NCAM2: variants seen among roughly 807,000 people sequenced by gnomAD.
The protein encoded by NCAM2 is neural cell adhesion molecule 2.
A neutral mutation model predicts 98.1 loss-of-function variants in NCAM2; 30 were observed. That is an observed-to-expected ratio of 0.31 (90% CI 0.23 to 0.41). NCAM2 has a LOEUF of 0.41. Among genes scored for constraint, NCAM2 ranks in the 10% least tolerant of loss-of-function variants. The pLI is 1.00. For synonymous variants in NCAM2, 368 were observed against 342.4 expected (o/e 1.07, Z -0.83); for missense variants, 867 against 1,005.8 (o/e 0.86, Z 1.87).
At chr21:21,266,947 A>C (rs968348514) in intron 1 of NCAM2, among the ~76,000 whole-genome samples, 1 of 152,134 alleles carries the variant, frequency 6.6e-6, no homozygotes, top group African/African-American at 2.4e-5. Context: ...TTGCACAGGT[A>C]AACTTGTGTC....
At chr21:21,521,954 A>G (rs1602551856) in intron 16 of NCAM2, among the ~76,000 whole-genome samples, 3 of 151,030 alleles carry the variant, frequency 2.0e-5, no homozygotes, top group Admixed American at 2.0e-4. Flanking sequence ...TAAAAAGAAA[A>G]TGCCCACATA....
At chr21:21,216,829 G>A (rs1387862704) in intron 1 of NCAM2, among the ~76,000 whole-genome samples, 4 of 152,074 alleles carry the variant, frequency 2.6e-5, no homozygotes, top group East Asian at 3.9e-4. Flanking sequence ...GGTACAGGTG[G>A]GAAAACCCTG....
intron 6 of NCAM2, among the ~76,000 whole-genome samples, chr21:21,325,961 T>C (rs1455066410): frequency 1.3e-5 from 2 of 152,190 alleles, no homozygotes; most frequent in Non-Finnish European, 2.9e-5. Flanking sequence ...GAATAGTAGC[T>C]GGTAGGAAAG....
At chr21:21,120,965 C>G (rs570712745) in intron 1 of NCAM2, among the ~76,000 whole-genome samples, 1 of 152,114 alleles carries the variant, frequency 6.6e-6, no homozygotes, top group Non-Finnish European at 1.5e-5. Flanking sequence ...ATCCACCCGC[C>G]TCAGCCTCCC....
chr21:21,175,587 C>T (rs915336157), intron 1 of NCAM2, among the ~76,000 whole-genome samples: 5 of 151,858 alleles, frequency 3.3e-5, no homozygotes, highest in African/African-American at 1.2e-4. Flanking sequence ...TTAAAGATAG[C>T]AAGAAGTGGA....
chr21:21,285,822 T>A (rs527397310), intron 3 of NCAM2, among the ~76,000 whole-genome samples: 1 of 152,034 alleles, frequency 6.6e-6, no homozygotes, highest in South Asian at 2.1e-4. Context: ...GAAAATAAAT[T>A]ACCTGGGGTA....
At chr21:21,341,708 C>CTTT (rs5842918) in intron 8 of NCAM2, among the ~76,000 whole-genome samples, 4 of 142,730 alleles carry the variant, frequency 2.8e-5, no homozygotes, top group South Asian at 4.5e-4. Flanking sequence ...TAACAATATT[C>CTTT]TTTTTTTTTT....
At chr21:21,444,123 G>A (rs1348025030) in intron 12 of NCAM2, among the ~76,000 whole-genome samples, 1 of 152,130 alleles carries the variant, frequency 6.6e-6, no homozygotes, top group Non-Finnish European at 1.5e-5. Context: ...CTGCTTATGT[G>A]ATGGATTACG....
intron 5 of NCAM2, among the ~76,000 whole-genome samples, chr21:21,313,571 A>C (rs116145864): frequency 0.017 from 2,610 of 151,606 alleles, 72 homozygotes; most frequent in African/African-American, 0.06. Context: ...TTTTTATTTT[A>C]TTCTAGTTTT....
intron 1 of NCAM2, among the ~76,000 whole-genome samples, chr21:21,214,341 T>A (rs1009650095): frequency 6.6e-6 from 1 of 152,194 alleles, no homozygotes; most frequent in Non-Finnish European, 1.5e-5. Context: ...AGCTCCATTA[T>A]TCTTTCCATG....
At chr21:21,104,185 CAT>C (rs772635463) in intron 1 of NCAM2, among the ~76,000 whole-genome samples, 14 of 152,090 alleles carry the variant, frequency 9.2e-5, no homozygotes, top group Non-Finnish European at 1.5e-4. Flanking sequence ...GAATTTATGA[CAT>C]GTTATCTTTT....
Position 21,043,511 on chromosome 21 carries a change from T to C in NCAM2, c.55+44893T>C, listed in dbSNP as rs77207082. On this transcript the variant is annotated intron_variant, in intron 1 of 17. Transcript: ENST00000400546. ...GGAATTCAGAAGGTAGCTTTTGTTT[T>C]AAAGACAAAAATTATTTTTGAAGAA... Among the ~76,000 whole-genome samples the C allele has an allele frequency of 9.5e-3, 1,451 of 152,244 alleles. 19 individuals carry two copies. Among genetic ancestry groups the C allele is most frequent in the African/African-American group, 0.034 (1,394 of 41,550 alleles).
chr21:21,263,378 AGAAAAACATCCCATGCTAATGGATAG>A (rs1218339861), intron 1 of NCAM2, among the ~76,000 whole-genome samples: 1 of 152,166 alleles, frequency 6.6e-6, no homozygotes, highest in Non-Finnish European at 1.5e-5. Context: ...ACAAAGAAAT[AGAAAAACATCCCATGCTAATGGATAG>A]GAAAAATCAA....
At chr21:21,355,087 C>T (rs1391411587) in intron 8 of NCAM2, among the ~76,000 whole-genome samples, 6 of 151,940 alleles carry the variant, frequency 3.9e-5, no homozygotes, top group Admixed American at 3.9e-4. Flanking sequence ...ACTGTGAGTC[C>T]AGTTTTACCT....
intron 1 of NCAM2, among the ~76,000 whole-genome samples, chr21:21,265,317 A>G (rs1203888891): frequency 2.1e-4 from 27 of 131,682 alleles, no homozygotes; most frequent in African/African-American, 5.5e-4. Context: ...ATACACGTAT[A>G]TATACACATA....
At chr21:21,358,415 A>G (rs1263740451) in intron 8 of NCAM2, among the ~76,000 whole-genome samples, 1 of 151,964 alleles carries the variant, frequency 6.6e-6, no homozygotes, top group Admixed American at 6.6e-5. Flanking sequence ...GTTCTTGTGT[A>G]TATGCCCTAT....
At chr21:21,173,513 G>A (rs1288772957) in intron 1 of NCAM2, among the ~76,000 whole-genome samples, 1 of 152,194 alleles carries the variant, frequency 6.6e-6, no homozygotes, top group Non-Finnish European at 1.5e-5. Context: ...AACCTTGAAA[G>A]ACAGAGTAGT....
At chr21:21,423,653 T>G (rs2077157530) in intron 11 of NCAM2, among the ~76,000 whole-genome samples, 1 of 152,200 alleles carries the variant, frequency 6.6e-6, no homozygotes, top group Non-Finnish European at 1.5e-5. Context: ...AGGTCTCTGA[T>G]ACTGTGCTTC....
chr21:21,459,304 T>C (rs759080926), intron 12 of NCAM2, among the ~76,000 whole-genome samples: 60 of 151,812 alleles, frequency 4.0e-4, no homozygotes, highest in Non-Finnish European at 5.6e-4. Flanking sequence ...GGGTATATAT[T>C]CTCAAGCGAA....
Sources: allele counts gnomAD v4.1 joint callset (sites outside exome capture counted in the v4.1 genomes callset), GRCh38; gene constraint gnomAD v4.1.1; transcripts MANE v1.5; gene names NCBI Gene and HGNC (gene_info 2026-07-23, HGNC 2026-07-21).